ZNF430: variants seen among roughly 807,000 people sequenced by gnomAD.
ZNF430 encodes the protein zinc finger protein 430.
ZNF430 carries 35 observed loss-of-function variants against 56.7 expected under a neutral mutation model. That is an observed-to-expected ratio of 0.62 (90% CI 0.47 to 0.82). ZNF430 has a LOEUF of 0.82. Among genes scored for constraint, ZNF430 ranks in the 40% least tolerant of loss-of-function variants. The pLI is 0.00. For missense variants in ZNF430, 574 were observed against 661.0 expected, an observed-to-expected ratio of 0.87 and a Z score of 1.44; for synonymous variants, 212 against 224.3, an observed-to-expected ratio of 0.94 and a Z score of 0.49.
intron 4 of ZNF430, among the ~76,000 whole-genome samples, chr19:21,049,234 TA>T (rs1262162184): frequency 6.6e-6 from 1 of 151,154 alleles, no homozygotes; most frequent in African/African-American, 2.4e-5. Context: ...AAACTTTAAT[TA>T]AATACAAAAC....
intron 4 of ZNF430, among the ~76,000 whole-genome samples, chr19:21,053,772 T>C (rs912884255): frequency 2.0e-5 from 3 of 152,228 alleles, no homozygotes; most frequent in African/African-American, 7.2e-5. Flanking sequence ...TATGTGTATA[T>C]ATATAAACTC....
chr19:21,049,191 A>AG (rs1968238089), intron 4 of ZNF430, among the ~76,000 whole-genome samples: 1 of 150,402 alleles, frequency 6.6e-6, no homozygotes, highest in Non-Finnish European at 1.5e-5. Context: ...AAAAAAAAAA[A>AG]AAAAAAGTAA....
chr19:21,028,861 T>C lies in ZNF430; in HGVS notation c.97-4595T>C, dbSNP rs1311565858. Among the ~76,000 whole-genome samples, 8 of 152,070 alleles carry C rather than the reference T, an allele frequency of 5.3e-5. No homozygotes were observed. In the East Asian group the frequency reaches 1.4e-3, roughly 26 times the overall value. On this transcript the variant is annotated intron_variant, in intron 2 of 4. Transcript: ENST00000261560. ...CCACCATGCCTGGCTAATTTTTGCA[T>C]TTTTAATAAAGACAGGGTTTCACCA... is the stretch of plus-strand genomic sequence containing the variant.
chr19:21,021,860 G>C (rs1967694821), intron 1 of ZNF430, among the ~76,000 whole-genome samples: 1 of 116,042 alleles, frequency 8.6e-6, no homozygotes, highest in South Asian at 2.5e-4. Context: ...TTTTGAGATG[G>C]AGTCTCGCTC....
chr19:21,054,143 A>C (rs542301006), intron 4 of ZNF430, among the ~76,000 whole-genome samples: 27 of 152,154 alleles, frequency 1.8e-4, no homozygotes, highest in Admixed American at 4.6e-4. Flanking sequence ...TTTAACTTTC[A>C]AATTTTAGAA....
chr19:21,033,626 T>C (rs760473542), intron 3 of ZNF430, 44 bp downstream of exon 3: 3 of 1,502,548 alleles, frequency 2.0e-6, no homozygotes, highest in Admixed American at 4.7e-5. Context: ...ACCCTAAAGG[T>C]TTCATTTCTC....
chr19:21,048,899 A>G (rs1968231817), intron 4 of ZNF430, among the ~76,000 whole-genome samples: 1 of 151,920 alleles, frequency 6.6e-6, no homozygotes, highest in Non-Finnish European at 1.5e-5. Flanking sequence ...AAATATCTTA[A>G]AGTTAAAAAA....
intron 4 of ZNF430, among the ~76,000 whole-genome samples, chr19:21,040,652 A>G (rs553773598): frequency 6.6e-6 from 1 of 152,328 alleles, no homozygotes; most frequent in African/African-American, 2.4e-5. Context: ...ATTTGTCTAT[A>G]TGCAAAATAG....
In ZNF430 at chr19:21,057,149, A is replaced by G. The variant is rs1338421996; in HGVS notation, c.841A>G (p.Ile281Val). Residue 281 changes from isoleucine to valine, a missense_variant, in exon 5 of 5, where the codon ATA (isoleucine) becomes GTA (valine). By Grantham distance (29) the Ile-to-Val change is conservative. This residue lies in a region of ZNF430 where 346 missense variants were observed against 399.1 expected (regional missense o/e 0.87). Transcript: ENST00000261560. ...GTCCTCAACCCTTACTACACATAAGATAATTCATACTGGAGAGAAACCCTA... is the reference window on the plus strand; with the variant it reads ...GTCCTCAACCCTTACTACACATAAGGTAATTCATACTGGAGAGAAACCCTA... The part of the protein sequence containing the change: ...KQSSTLTTHK[I>V]IHTGEKPYRC... The G allele has an allele frequency of 6.2e-7, 1 of 1,614,086 alleles. No homozygotes were observed. The highest frequency in any genetic ancestry group is 8.5e-7 in the Non-Finnish European group (1 of 1,180,012).
chr19:21,020,870 G>T, intron 1 of ZNF430, 67 bp downstream of exon 1: 1 of 1,607,474 alleles, frequency 6.2e-7, no homozygotes, highest in Non-Finnish European at 8.5e-7. Flanking sequence ...GGAAGTGGCT[G>T]TGGCGGGACT....
chr19:21,020,678 T>G lies in ZNF430; in HGVS notation c.-123T>G. 1 of 1,429,300 alleles carries G rather than the reference T, an allele frequency of 7.0e-7. No individual in the cohort carries two copies. The highest frequency in any genetic ancestry group is 9.8e-7 in the Non-Finnish European group (1 of 1,022,484). The allele number at this position is 1,429,300 out of a possible 1,614,324, so 88.5% of individuals were successfully genotyped here. ...CTTTGTCCCTCGCTGTGGCCTGAGCTCCAGGTCTCGTCTTCAGCGCTCTGT... is the reference window on the plus strand; with the variant it reads ...CTTTGTCCCTCGCTGTGGCCTGAGCGCCAGGTCTCGTCTTCAGCGCTCTGT... On this transcript the variant is annotated 5_prime_UTR_variant, in exon 1 of 5. Coordinates refer to ENST00000261560, the MANE Select transcript of ZNF430 (RefSeq NM_025189.4).
rs890734822 is a variant in ZNF430 at position 21,057,409 on chromosome 19, T to C, written c.1101T>C (p.His367=). ...SSTLTTHKII[H]AGEKPYKCEE... ...CCCTTACTACACATAAGATAATTCA[T>C]GCTGGAGAGAAACCTTACAAATGTG... Residue 367 remains histidine (H), a synonymous_variant, in exon 5 of 5, where the codon CAT becomes CAC. Transcript: ENST00000261560. 2 of 1,613,466 alleles carry C rather than the reference T, an allele frequency of 1.2e-6. No homozygotes were observed. Among genetic ancestry groups the C allele is most frequent in the African/African-American group, 1.3e-5 (1 of 74,908 alleles).
At chr19:21,048,925 G>A (rs550154913) in intron 4 of ZNF430, among the ~76,000 whole-genome samples, 114 of 152,052 alleles carry the variant, frequency 7.5e-4, no homozygotes, top group Non-Finnish European at 8.8e-5. Context: ...GCCAAGCATG[G>A]TGGCTCACAC....
chr19:21,047,791 G>A (rs947599159), intron 4 of ZNF430, among the ~76,000 whole-genome samples: 8 of 152,194 alleles, frequency 5.3e-5, no homozygotes, highest in African/African-American at 1.9e-4. Context: ...GACGATGTCT[G>A]TTGTGGGGGT....
chr19:21,038,718 G>A (rs1968048018), intron 4 of ZNF430, among the ~76,000 whole-genome samples: 1 of 152,022 alleles, frequency 6.6e-6, no homozygotes. Context: ...GTGAGCCACT[G>A]CACCCTGCCT....
At chr19:21,029,969 A>C (rs1408180175) in intron 2 of ZNF430, among the ~76,000 whole-genome samples, 1 of 152,168 alleles carries the variant, frequency 6.6e-6, no homozygotes, top group Non-Finnish European at 1.5e-5. Flanking sequence ...ATCTAAAAAA[A>C]AAAAGACTGG....
intron 4 of ZNF430, among the ~76,000 whole-genome samples, chr19:21,040,615 T>G (rs1968085523): frequency 6.6e-6 from 1 of 152,222 alleles, no homozygotes; most frequent in Non-Finnish European, 1.5e-5. Context: ...TAAACCTTTT[T>G]ACTTTATAAT....
Position 21,059,404 on chromosome 19 carries a change from G to GT in ZNF430, c.*1384dup, listed in dbSNP as rs1429857411. On this transcript the variant is annotated 3_prime_UTR_variant, in exon 5 of 5. Transcript: ENST00000261560. ...ACTAAAAATACAAAATTAGCCAGCT[G>GT]TGGTGGTGTATGCCTGTAATCACAG... The GT allele has an allele frequency of 6.6e-6, 1 of 152,224 alleles. No individual in the cohort carries two copies. Among genetic ancestry groups the GT allele is most frequent in the Non-Finnish European group, 1.5e-5 (1 of 68,060 alleles). 9.4% of individuals were successfully genotyped at this position (152,224 alleles called of 1,614,324 possible).
At position 21,058,280 on chromosome 19, in the gene ZNF430, A is replaced by G. The variant is rs1968417135; in HGVS notation, c.*259A>G. ...ACCAACATGGTGAAATCCTGTCTCT[A>G]CTAAAAATACAAAATTAGCCATGCG... On this transcript the variant is annotated 3_prime_UTR_variant, in exon 5 of 5. Transcript: ENST00000261560. The G allele has an allele frequency of 2.4e-6, 1 of 412,310 alleles. No homozygotes were observed. Among genetic ancestry groups the G allele is most frequent in the East Asian group, 4.5e-5 (1 of 22,302 alleles). 25.5% of individuals were successfully genotyped at this position (412,310 alleles called of 1,614,324 possible).
Sources: gnomAD v4.1 joint callset for allele counts (sites outside exome capture counted in the v4.1 genomes callset) on GRCh38, gnomAD v4.1.1 for gene constraint, gnomAD v4.1.1 regional missense constraint, MANE v1.5 for transcripts, NCBI Gene and HGNC (gene_info 2026-07-23, HGNC 2026-07-21) for gene names.